The following KCNIP4 variants were observed in gnomAD, a reference collection of about 807,000 sequenced individuals.
KCNIP4 encodes Kv channel-interacting protein 4.
In KCNIP4, 12 loss-of-function variants were observed where a neutral mutation model predicts 34.0. The ratio of observed to expected loss-of-function variants is 0.35; its 90% CI spans 0.23 to 0.57. The LOEUF is 0.57. KCNIP4 is among the 20% of genes least tolerant of loss of function. KCNIP4 has a pLI of 0.83. For missense variants in KCNIP4, 238 were observed against 311.7 expected (o/e 0.76, Z 1.78); for synonymous variants, 124 against 102.2 (o/e 1.21, Z -1.29).
intron 1 of KCNIP4, among the ~76,000 whole-genome samples, chr4:21,011,575 A>T (rs1008946674): frequency 6.6e-6 from 1 of 152,210 alleles, no homozygotes; most frequent in Non-Finnish European, 1.5e-5. Context: ...TGTTCACAGG[A>T]ACCAGATCAC....
At chr4:21,097,649 G>A (rs1173964539) in intron 1 of KCNIP4, among the ~76,000 whole-genome samples, 2 of 152,088 alleles carry the variant, frequency 1.3e-5, no homozygotes, top group Non-Finnish European at 2.9e-5. Flanking sequence ...CAGATAACAT[G>A]TTGAACTTAA....
intron 1 of KCNIP4, among the ~76,000 whole-genome samples, chr4:21,753,184 C>T (rs1002282016): frequency 1.3e-5 from 2 of 152,122 alleles, no homozygotes; most frequent in Non-Finnish European, 2.9e-5. Context: ...TGTAGTGAGG[C>T]TCCTCATGCA....
At chr4:21,275,448 T>G (rs1307385681) in intron 1 of KCNIP4, among the ~76,000 whole-genome samples, 1 of 152,204 alleles carries the variant, frequency 6.6e-6, no homozygotes. Flanking sequence ...CAAAGCAGAA[T>G]GAACAAATGG....
intron 1 of KCNIP4, among the ~76,000 whole-genome samples, chr4:20,960,369 A>T (rs1460330420): frequency 6.6e-6 from 1 of 152,228 alleles, no homozygotes. Flanking sequence ...CTTCAGAAGC[A>T]TTTTGACAAA....
chr4:21,199,469 C>A (rs890583777), intron 1 of KCNIP4, among the ~76,000 whole-genome samples: 2 of 152,084 alleles, frequency 1.3e-5, no homozygotes, highest in Admixed American at 1.3e-4. Context: ...TGGATATTAG[C>A]CCTTTGTCAG....
At chr4:21,518,946 T>C (rs1735015866) in intron 1 of KCNIP4, among the ~76,000 whole-genome samples, 1 of 152,106 alleles carries the variant, frequency 6.6e-6, no homozygotes, top group Non-Finnish European at 1.5e-5. Flanking sequence ...TTAAGCACTT[T>C]AATTGATTTA....
chr4:21,937,354 A>G (rs941729800), intron 1 of KCNIP4, among the ~76,000 whole-genome samples: 1 of 152,034 alleles, frequency 6.6e-6, no homozygotes, highest in African/African-American at 2.4e-5. Flanking sequence ...CCCCCACAAC[A>G]GTCATCTCAC....
At chr4:21,414,548 A>T (rs1724781752) in intron 1 of KCNIP4, among the ~76,000 whole-genome samples, 1 of 152,200 alleles carries the variant, frequency 6.6e-6, no homozygotes, top group African/African-American at 2.4e-5. Context: ...AATTAAAACT[A>T]GAACTACCAT....
At chr4:21,150,580 G>C (rs1752686505) in intron 1 of KCNIP4, among the ~76,000 whole-genome samples, 1 of 152,228 alleles carries the variant, frequency 6.6e-6, no homozygotes, top group Non-Finnish European at 1.5e-5. Context: ...TGCATTGGAG[G>C]AGTTTATAAG....
chr4:21,083,768 C>T (rs1239237146), intron 1 of KCNIP4, among the ~76,000 whole-genome samples: 1 of 151,908 alleles, frequency 6.6e-6, no homozygotes, highest in Non-Finnish European at 1.5e-5. Flanking sequence ...GTTAAGCCAA[C>T]AAGTTTGTGG....
chr4:21,453,522 C>G (rs1322494794), intron 1 of KCNIP4, among the ~76,000 whole-genome samples: 1 of 152,018 alleles, frequency 6.6e-6, no homozygotes, highest in Non-Finnish European at 1.5e-5. Flanking sequence ...CTCACTCTTT[C>G]CAGGATGTGA....
At position 20,945,372 on chromosome 4, in the gene KCNIP4, G is replaced by A. The variant is rs749062306; in HGVS notation, c.62-62663C>T. ...TTTAGAATTCCAGGACTCGAATTCAGTTGTGTTGGCAAGAACATTTAGCCC... is the reference window on the plus strand; with the variant it reads ...TTTAGAATTCCAGGACTCGAATTCAATTGTGTTGGCAAGAACATTTAGCCC... On this transcript the variant is annotated intron_variant, in intron 1 of 8. Transcript: ENST00000382152. 9.2e-5 allele frequency among the ~76,000 whole-genome samples: 14 copies of A among 152,200 alleles called. 1 individual carries two copies. Among genetic ancestry groups the A allele is most frequent in the Non-Finnish European group, 1.3e-4 (9 of 68,030 alleles).
chr4:21,213,255 A>G (rs1757349597), intron 1 of KCNIP4, among the ~76,000 whole-genome samples: 1 of 151,338 alleles, frequency 6.6e-6, no homozygotes, highest in South Asian at 2.1e-4. Context: ...AATCAGCACT[A>G]TTTTTCTTTC....
chr4:21,293,622 A>G (rs914046561), intron 1 of KCNIP4, among the ~76,000 whole-genome samples: 1 of 152,156 alleles, frequency 6.6e-6, no homozygotes, highest in Non-Finnish European at 1.5e-5. Flanking sequence ...ATAGGATTGG[A>G]TCTTGCTTTC....
chr4:21,692,092 G>C (rs976457455), intron 1 of KCNIP4, among the ~76,000 whole-genome samples: 1 of 152,100 alleles, frequency 6.6e-6, no homozygotes, highest in African/African-American at 2.4e-5. Flanking sequence ...TGAGTTTTAA[G>C]AGTTTACCAC....
At chr4:21,166,131 T>C (rs1577813927) in intron 1 of KCNIP4, among the ~76,000 whole-genome samples, 1 of 152,210 alleles carries the variant, frequency 6.6e-6, no homozygotes, top group South Asian at 2.1e-4. Context: ...CTAAGGTTTT[T>C]TGTTATAGCA....
rs192389890 is a variant in KCNIP4, at chr4:21,751,013, G to T, written c.61+197558C>A. Among the ~76,000 whole-genome samples, 10 of 152,228 alleles carry T rather than the reference G, an allele frequency of 6.6e-5. No individual in the cohort carries two copies. In the East Asian group the frequency reaches 1.9e-3, roughly 30 times the overall value. ...TAGGGGGTCCTACTGTAGGACGTAG[G>T]GGGTGTCTTGATTATTTAGGCCTTG... is the stretch of plus-strand genomic sequence containing the variant. On this transcript the variant is annotated intron_variant, in intron 1 of 8. Transcript: ENST00000382152.
At chr4:21,389,314 A>T (rs932639948) in intron 1 of KCNIP4, among the ~76,000 whole-genome samples, 5 of 151,548 alleles carry the variant, frequency 3.3e-5, no homozygotes, top group South Asian at 2.1e-4. Flanking sequence ...ATTTTTTTTT[A>T]AATTATACTT....
chr4:21,675,337 T>A (rs996070613), intron 1 of KCNIP4, among the ~76,000 whole-genome samples: 1 of 151,914 alleles, frequency 6.6e-6, no homozygotes, highest in Non-Finnish European at 1.5e-5. Context: ...GATTAATGGG[T>A]GCAAAAAATA....
Sources: allele counts gnomAD v4.1 joint callset (sites outside exome capture counted in the v4.1 genomes callset), GRCh38; gene constraint gnomAD v4.1.1; transcripts MANE v1.5; gene names NCBI Gene and HGNC (gene_info 2026-07-23, HGNC 2026-07-21).